OR7D2: variants seen among roughly 807,000 people sequenced by gnomAD.
The protein encoded by OR7D2 is olfactory receptor 7D2.
For synonymous variants in OR7D2, 158 were observed against 158.7 expected (o/e 1.00, Z 0.03); for missense variants, 370 against 384.1 (o/e 0.96, Z 0.31).
chr19:9,186,021 G>C lies in OR7D2; in HGVS notation c.240G>C (p.Lys80Asn), dbSNP rs2145983221. The C allele has an allele frequency of 1.2e-6, 2 of 1,614,090 alleles. No homozygotes were observed. The highest frequency in any genetic ancestry group is 2.7e-5 in the African/African-American group (2 of 75,002). Residue 80 changes from lysine to asparagine, a missense_variant, in exon 3 of 3, where the codon AAG becomes AAC. By Grantham distance (94) the Lys-to-Asn change is moderately conservative. Coordinates refer to ENST00000641288, the MANE Select transcript of OR7D2 (RefSeq NM_175883.4). The stretch of plus-strand genomic sequence containing the variant: ...GTTTCAGCACTTGCATCGTCCCCAA[G>C]ATGCTGGTGAACATCCAGACCGAGA... ...DICFSTCIVP[K>N]MLVNIQTENK...
At chr19:9,182,896 T>C (rs541613766) in intron 2 of OR7D2, 41 of 363,702 alleles carry the variant, frequency 1.1e-4, no homozygotes, top group African/African-American at 7.5e-4. Context: ...TCTCAGCAAA[T>C]TGACCTGGGC....
intron 2 of OR7D2, among the ~76,000 whole-genome samples, chr19:9,182,149 T>C (rs1203510270): frequency 6.6e-6 from 1 of 152,232 alleles, no homozygotes; most frequent in African/African-American, 2.4e-5. Flanking sequence ...GGCATTTTTG[T>C]TTATTTATCA....
intron 2 of OR7D2, chr19:9,183,083 G>A (rs1053982978): frequency 3.3e-6 from 1 of 305,248 alleles, no homozygotes; most frequent in Non-Finnish European, 6.9e-6. Flanking sequence ...GCTTCCCCAG[G>A]AACTTTAGTA....
rs183928496 is a variant in OR7D2, at chr19:9,182,556, C to T, written c.-14+1768C>T. 2.9e-3 allele frequency: 489 copies of T among 167,728 alleles called. 3 individuals carry two copies. The highest frequency in any genetic ancestry group is 0.01 in the African/African-American group (433 of 41,736). The allele number at this position is 167,728 out of a possible 1,614,324, so 10.4% of individuals were successfully genotyped here. ...TTTTTGAGACGGAGTCTCGCTCTCT[C>T]GCCCAGGCTGGAGTGCAGTGTCGCG... On this transcript the variant is annotated intron_variant, in intron 2 of 2. Transcript: ENST00000641288.
rs527787662 is a variant in OR7D2, at chr19:9,185,845, G to C, written c.64G>C (p.Glu22Gln). Residue 22 changes from glutamate to glutamine, a missense_variant, in exon 3 of 3, where the codon GAA (glutamate) becomes CAA (glutamine). By Grantham distance (29) the Glu-to-Gln change is conservative. Coordinates refer to ENST00000641288, the MANE Select transcript of OR7D2 (RefSeq NM_175883.4). ...CCTTCTCGGACTCTCTGAGGATCCA[G>C]AACTACAGCCGTTCATATTTGGGCT... Reference protein sequence around the residue: ...FILLGLSEDPELQPFIFGLFL... With the variant: ...FILLGLSEDPQLQPFIFGLFL... The C allele has an allele frequency of 1.9e-6, 3 of 1,611,834 alleles. No homozygotes were observed. The highest frequency in any genetic ancestry group is 3.3e-5 in the Admixed American group (2 of 59,896).
Position 9,186,072 on chromosome 19 carries a change from C to A in OR7D2, c.291C>A (p.Cys97Ter). The A allele has an allele frequency of 6.2e-7, 1 of 1,614,096 alleles. No homozygotes were observed. Among genetic ancestry groups the A allele is most frequent in the Non-Finnish European group, 8.5e-7 (1 of 1,180,000 alleles). Residue 97 changes from cysteine to a stop codon, truncating the protein, a stop_gained, in exon 3 of 3, where the codon TGC becomes TGA. Transcript: ENST00000641288. LOFTEE classifies it low-confidence loss of function (END_TRUNC). ...ACAAAGCCATCTCCTACATGGACTG[C>A]CTCACACAGGTCTATTTCTCCATGT... is the stretch of plus-strand genomic sequence containing the variant. ...TENKAISYMD[C>*]LTQVYFSMFF...
In OR7D2 at chr19:9,186,352, G is replaced by C; in HGVS notation, c.571G>C (p.Asp191His). Residue 191 changes from aspartate to histidine, a missense_variant, in exon 3 of 3, where the codon GAT becomes CAT. Physicochemically the swap from Asp to His is moderately conservative, Grantham distance 81. Coordinates refer to ENST00000641288, the MANE Select transcript of OR7D2 (RefSeq NM_175883.4). Reference protein sequence around the residue: ...LTYILQLACSDTFLNSTLIYF... With the variant: ...LTYILQLACSHTFLNSTLIYF... ...GTACATCCTCCAGCTGGCCTGCTCTGATACCTTCCTGAACAGCACGTTGAT... is the reference window on the plus strand; with the variant it reads ...GTACATCCTCCAGCTGGCCTGCTCTCATACCTTCCTGAACAGCACGTTGAT... 6.2e-7 allele frequency: 1 copy of C among 1,613,978 alleles called. No individual in the cohort carries two copies. Among genetic ancestry groups the C allele is most frequent in the Non-Finnish European group, 8.5e-7 (1 of 1,179,974 alleles).
chr19:9,184,006 C>T (rs2051011278), intron 2 of OR7D2, among the ~76,000 whole-genome samples: 1 of 107,768 alleles, frequency 9.3e-6, no homozygotes, highest in South Asian at 3.4e-4. Flanking sequence ...CAAGAGTTGG[C>T]AAGGGTGAGA....
In OR7D2 at chr19:9,184,991, T is replaced by TATAG. The variant is rs111421791; in HGVS notation, c.-13-777_-13-776insTAGA. Among the ~76,000 whole-genome samples, 3 of 151,448 alleles carry TATAG rather than the reference T, an allele frequency of 2.0e-5. 1 individual carries two copies. Among genetic ancestry groups the TATAG allele is most frequent in the South Asian group, 4.2e-4 (2 of 4,814 alleles). On this transcript the variant is annotated intron_variant, in intron 2 of 2. Transcript: ENST00000641288. ...GGAATATTTTTTTTAAAGTCAAATA[T>TATAG]AGAGAATAAAACAGTGGTTACCAGA...
At position 9,186,191 on chromosome 19, in the gene OR7D2, A is replaced by G; in HGVS notation, c.410A>G (p.Asn137Ser). ...CHPLHYMIIM[N>S]PHLCGLLVFV... ...CCTCTGCACTATATGATCATCATGAACCCCCACCTCTGTGGCCTCCTGGTT... is the reference window on the plus strand; with the variant it reads ...CCTCTGCACTATATGATCATCATGAGCCCCCACCTCTGTGGCCTCCTGGTT... The change falls in exon 3 of 3, where the codon AAC becomes AGC. Residue 137 changes from asparagine to serine, a missense_variant. Coordinates refer to ENST00000641288, the MANE Select transcript of OR7D2 (RefSeq NM_175883.4). 6.2e-7 allele frequency: 1 copy of G among 1,613,664 alleles called. No homozygotes were observed. Among genetic ancestry groups the G allele is most frequent in the South Asian group, 1.1e-5 (1 of 91,040 alleles).
chr19:9,183,127 G>A, intron 2 of OR7D2: 3 of 229,372 alleles, frequency 1.3e-5, no homozygotes. Context: ...GCGCAGCAGG[G>A]TCCGTGTGTA....
Position 9,186,762 on chromosome 19 carries a change from A to G in OR7D2, c.*42A>G. 7.8e-7 allele frequency: 1 copy of G among 1,282,644 alleles called. No homozygotes were observed. Among genetic ancestry groups the G allele is most frequent in the Non-Finnish European group, 1.1e-6 (1 of 923,812 alleles). The allele number at this position is 1,282,644 out of a possible 1,614,324, so 79.5% of individuals were successfully genotyped here. On this transcript the variant is annotated 3_prime_UTR_variant, in exon 3 of 3. Coordinates refer to ENST00000641288, the MANE Select transcript of OR7D2 (RefSeq NM_175883.4). The stretch of plus-strand genomic sequence containing the variant: ...AGGACTAAGAAGTTTTGTGAGCACC[A>G]ATGGCAAAAATGTTTTATTTTGAAA...
At position 9,186,416 on chromosome 19, in the gene OR7D2, T is replaced by C. The variant is rs2051034634; in HGVS notation, c.635T>C (p.Leu212Pro). ...GGTGTGCTGGGCGTTTTTCCCCTCC[T>C]TGGGATCATTTTCTCTTATTCACGA... Reference protein sequence around the residue: ...MTGVLGVFPLLGIIFSYSRIA... With the variant: ...MTGVLGVFPLPGIIFSYSRIA... The change falls in exon 3 of 3, where the codon CTT becomes CCT. Residue 212 changes from leucine to proline, a missense_variant. By Grantham distance (98) the Leu-to-Pro change is moderately conservative (BLOSUM62 -3). Coordinates refer to ENST00000641288, the MANE Select transcript of OR7D2 (RefSeq NM_175883.4). The C allele has an allele frequency of 1.2e-6, 2 of 1,614,200 alleles. No homozygotes were observed. The highest frequency in any genetic ancestry group is 1.7e-6 in the Non-Finnish European group (2 of 1,180,038).
Position 9,186,172 on chromosome 19 carries a change from C to A in OR7D2, c.391C>A (p.His131Asn). The A allele has an allele frequency of 1.2e-6, 2 of 1,614,048 alleles. No individual in the cohort carries two copies. Among genetic ancestry groups the A allele is most frequent in the Non-Finnish European group, 1.7e-6 (2 of 1,179,960 alleles). The change falls in exon 3 of 3, where the codon CAC (histidine) becomes AAC (asparagine). Residue 131 changes from histidine (H) to asparagine (N), a missense_variant. His to Asn is a moderately conservative substitution (Grantham distance 68). Coordinates refer to ENST00000641288, the MANE Select transcript of OR7D2 (RefSeq NM_175883.4). ...GTTTGTGGCTGTCTGCCACCCTCTG[C>A]ACTATATGATCATCATGAACCCCCA... is the stretch of plus-strand genomic sequence containing the variant. ...DRFVAVCHPLHYMIIMNPHLC... is the reference protein window; with the variant it reads ...DRFVAVCHPLNYMIIMNPHLC...
At chr19:9,182,887 C>T (rs980885794) in intron 2 of OR7D2, 10 of 353,140 alleles carry the variant, frequency 2.8e-5, no homozygotes, top group African/African-American at 1.9e-4. Context: ...CGGCTTCGTT[C>T]TCAGCAAATT....
At chr19:9,183,696 G>A (rs1328351949) in intron 2 of OR7D2, among the ~76,000 whole-genome samples, 3 of 151,578 alleles carry the variant, frequency 2.0e-5, no homozygotes, top group Non-Finnish European at 4.4e-5. Context: ...GGTGGCTCAC[G>A]CCTGTAATCC....
At chr19:9,181,283 A>G (rs1211148730) in intron 2 of OR7D2, among the ~76,000 whole-genome samples, 1 of 149,898 alleles carries the variant, frequency 6.7e-6, no homozygotes, top group African/African-American at 2.5e-5. Context: ...ATAATACTAT[A>G]AAATTTACAG....
intron 2 of OR7D2, among the ~76,000 whole-genome samples, chr19:9,184,585 G>A (rs182549606): frequency 1.6e-4 from 24 of 152,224 alleles, no homozygotes; most frequent in Admixed American, 7.2e-4. Flanking sequence ...ATTGCCACTC[G>A]TAAAGATATC....
chr19:9,184,104 T>TAA (rs113588948), intron 2 of OR7D2, among the ~76,000 whole-genome samples: 68,748 of 149,324 alleles, frequency 0.46, 18,915 homozygotes, highest in African/African-American at 0.79. Context: ...CTAAAGGAAT[T>TAA]AAATAGAGGC....
Sources: allele counts gnomAD v4.1 joint callset (sites outside exome capture counted in the v4.1 genomes callset), GRCh38; gene constraint gnomAD v4.1.1; transcripts MANE v1.5; gene names NCBI Gene and HGNC (gene_info 2026-07-23, HGNC 2026-07-21).